Variants in U2AF2 observed in about 807,000 individuals in gnomAD.
U2AF2 encodes splicing factor U2AF 65 kDa subunit.
U2AF2 carries 6 observed loss-of-function variants against 52.6 expected under a neutral mutation model. The ratio of observed to expected loss-of-function variants is 0.11; its 90% CI spans 0.06 to 0.23. The LOEUF is 0.23. Ranked by LOEUF, U2AF2 falls within the 10% of genes least tolerant of loss-of-function variation. U2AF2 has a pLI of 1.00. For synonymous variants in U2AF2, 284 were observed against 258.2 expected (o/e 1.10, Z -0.96); for missense variants, 222 against 677.1 (o/e 0.33, Z 7.46).
rs1026378799 is a variant in U2AF2 at position 55,674,390 on chromosome 19, C to G, written c.*322C>G. ...GGACCCCAGCCCCTCCCAAAACAGCCTCTCCTTCTCCCATAGACCCCTTTC... is the reference window on the plus strand; with the variant it reads ...GGACCCCAGCCCCTCCCAAAACAGCGTCTCCTTCTCCCATAGACCCCTTTC... On this transcript the variant is annotated 3_prime_UTR_variant, in exon 12 of 12. Transcript: ENST00000308924. 1.6e-5 allele frequency: 5 copies of G among 305,042 alleles called. No individual in the cohort carries two copies. The highest frequency in any genetic ancestry group is 3.1e-5 in the Non-Finnish European group (5 of 160,356). The allele number at this position is 305,042 out of a possible 1,614,324, so 18.9% of individuals were successfully genotyped here.
intron 9 of U2AF2, 23 bp from the exon 10 acceptor site, chr19:55,669,060 G>T: frequency 1.8e-5 from 23 of 1,247,234 alleles, no homozygotes; most frequent in Non-Finnish European, 2.6e-5. Context: ...CGCACCCCCC[G>T]ACCCCTCATC....
intron 11 of U2AF2, chr19:55,670,534 C>CACCCTGCTGTCGG (rs143152939): frequency 2.2e-5 from 4 of 185,882 alleles, no homozygotes; most frequent in Non-Finnish European, 3.1e-5. Flanking sequence ...CCTGCTGTCC[C>CACCCTGCTGTCGG]TGCACCCTGC....
intron 10 of U2AF2, 110 bp from the exon 11 acceptor site, chr19:55,669,334 A>G: frequency 6.5e-7 from 1 of 1,543,324 alleles, no homozygotes; most frequent in South Asian, 1.2e-5. Flanking sequence ...AGGTGTTGGA[A>G]GTGGAGAGAT....
At chr19:55,672,382 T>C (rs1293277228) in intron 11 of U2AF2, among the ~76,000 whole-genome samples, 1 of 152,238 alleles carries the variant, frequency 6.6e-6, no homozygotes, top group East Asian at 1.9e-4. Flanking sequence ...ATCAGGTTTA[T>C]TTCACCTGAG....
Position 55,660,496 on chromosome 19 carries a change from T to TGCGCG in U2AF2, c.231-20_231-19insGCGCG. ...AGACTGAGGTTGCCCTGCCCCGCTC[T>TGCGCG]CCCCTCCCACCTCCCCCAGTCGTTC... On this transcript the variant is annotated intron_variant, in intron 3 of 11. Transcript: ENST00000308924. 1.1e-6 allele frequency: 1 copy of TGCGCG among 894,578 alleles called. No homozygotes were observed. The highest frequency in any genetic ancestry group is 1.8e-6 in the Non-Finnish European group (1 of 553,304). 55.4% of individuals were successfully genotyped at this position (894,578 alleles called of 1,614,324 possible). A position where few individuals can be genotyped will look rare whatever the true frequency, so the allele number is the denominator to read the frequency against.
At chr19:55,660,945 T>A in intron 4 of U2AF2, 93 bp from the exon 5 acceptor site, 1 of 1,486,712 alleles carries the variant, frequency 6.7e-7, no homozygotes, top group Non-Finnish European at 9.0e-7. Context: ...GTAGGAGCTT[T>A]CTGCTGAGGA....
chr19:55,670,085 C>T (rs1054469013), intron 11 of U2AF2, among the ~76,000 whole-genome samples: 2 of 152,114 alleles, frequency 1.3e-5, no homozygotes, highest in African/African-American at 4.8e-5. Flanking sequence ...GAGACACCTG[C>T]TGGTGTCTCC....
At chr19:55,670,373 A>G (rs1055983003) in intron 11 of U2AF2, among the ~76,000 whole-genome samples, 5 of 143,692 alleles carry the variant, frequency 3.5e-5, no homozygotes, top group African/African-American at 1.0e-4. Flanking sequence ...TGGAATTCCC[A>G]TCGTACCAGG....
At chr19:55,656,771 TG>T (rs1983822335) in intron 1 of U2AF2, among the ~76,000 whole-genome samples, 1 of 152,162 alleles carries the variant, frequency 6.6e-6, no homozygotes, top group Non-Finnish European at 1.5e-5. Flanking sequence ...TGAGATTAAA[TG>T]GGGTAACATG....
intron 6 of U2AF2, 50 bp from the exon 7 acceptor site, chr19:55,663,556 G>A (rs1187906886): frequency 1.2e-6 from 2 of 1,600,200 alleles, no homozygotes; most frequent in Non-Finnish European, 1.7e-6. Flanking sequence ...ACTAGGGGCT[G>A]TACTAGTCCC....
At position 55,669,751 on chromosome 19, in the gene U2AF2, C is replaced by T. The variant is rs571828212; in HGVS notation, c.1293+59C>T. 9 of 1,505,340 alleles carry T rather than the reference C, an allele frequency of 6.0e-6. No individual in the cohort carries two copies. The African/African-American group carries it at 9.7e-5, about 16-fold the overall frequency. The allele number at this position is 1,505,340 out of a possible 1,614,324, so 93.2% of individuals were successfully genotyped here. A position where few individuals can be genotyped will look rare whatever the true frequency, so the allele number is the denominator to read the frequency against. On this transcript the variant is annotated intron_variant, in intron 11 of 11. Coordinates refer to ENST00000308924, the MANE Select transcript of U2AF2 (RefSeq NM_007279.3). ...CTCTGCCCCTCCTCTTCTCCGCGCC[C>T]TCTTTCTTCCTCTCTTGCTCCCTCA...
In U2AF2 at chr19:55,668,526, C is replaced by T; in HGVS notation, c.762C>T (p.Val254=). The change falls in exon 8 of 12, where the codon GTC becomes GTT. Residue 254 remains valine, a synonymous_variant. Coordinates refer to ENST00000308924, the MANE Select transcript of U2AF2 (RefSeq NM_007279.3). The surrounding 1 kb of genome is among the most constrained non-coding windows in gnomAD (Gnocchi z 5.5). ...CCATAGGGGTTGTGTCCACTGTGGT[C>T]CCCGACTCTGCCCACAAGCTGTTCA... ...VYVPGVVSTV[V]PDSAHKLFIG... is the part of the protein sequence containing the mutation. 1 of 1,605,176 alleles carries T rather than the reference C, an allele frequency of 6.2e-7. No individual in the cohort carries two copies. Among genetic ancestry groups the T allele is most frequent in the Non-Finnish European group, 8.5e-7 (1 of 1,175,042 alleles).
chr19:55,662,997 A>G (rs1425807489), intron 6 of U2AF2, among the ~76,000 whole-genome samples: 1 of 151,912 alleles, frequency 6.6e-6, no homozygotes, highest in Admixed American at 6.6e-5. Flanking sequence ...CTGTTACCCC[A>G]GCTAACTGAT....
At chr19:55,667,585 C>T (rs541077103) in intron 7 of U2AF2, among the ~76,000 whole-genome samples, 24 of 152,244 alleles carry the variant, frequency 1.6e-4, no homozygotes, top group South Asian at 1.0e-3. Flanking sequence ...GTATGTCAGC[C>T]CTCGAAGACA....
At chr19:55,659,024 G>T in intron 1 of U2AF2, 186 bp from the exon 2 acceptor site, 1 of 918,706 alleles carries the variant, frequency 1.1e-6, no homozygotes, top group Non-Finnish European at 1.5e-6. Context: ...CGTCCCCCTG[G>T]TCCCCTCATG....
rs1157816683 is a variant in U2AF2 at position 55,668,897 on chromosome 19, A to G, written c.945+105A>G. 1.3e-6 allele frequency: 2 copies of G among 1,537,838 alleles called. No homozygotes were observed. Among genetic ancestry groups the G allele is most frequent in the Non-Finnish European group, 1.8e-6 (2 of 1,140,974 alleles). On this transcript the variant is annotated intron_variant, in intron 9 of 11. Transcript: ENST00000308924. This position sits in a 1 kb window ranked among gnomAD's most constrained non-coding sequence, Gnocchi z 5.5. ...CAGGGGACGGGGCGGGAGGCGGCCA[A>G]CCTGAGGCAGTGCCCTGTGTGTGGG...
chr19:55,658,477 C>T (rs1029079969), intron 1 of U2AF2, among the ~76,000 whole-genome samples: 1 of 152,146 alleles, frequency 6.6e-6, no homozygotes, highest in African/African-American at 2.4e-5. Flanking sequence ...AGATACCCGC[C>T]CCTACTCACG....
chr19:55,658,234 C>T (rs1356811001), intron 1 of U2AF2, among the ~76,000 whole-genome samples: 1 of 152,130 alleles, frequency 6.6e-6, no homozygotes, highest in African/African-American at 2.4e-5. Context: ...TGCTTCATGG[C>T]TAGCTGAGAA....
intron 4 of U2AF2, among the ~76,000 whole-genome samples, 176 bp downstream of exon 4, chr19:55,660,795 A>G (rs1030855400): frequency 6.6e-6 from 1 of 152,060 alleles, no homozygotes; most frequent in South Asian, 2.1e-4. Context: ...GGAAATGACC[A>G]GAGACACCCG....
Sources: gnomAD v4.1 joint callset for allele counts (sites outside exome capture counted in the v4.1 genomes callset) on GRCh38, gnomAD v4.1.1 for gene constraint, Gnocchi (gnomAD v3.1) non-coding constraint, MANE v1.5 for transcripts, NCBI Gene and HGNC (gene_info 2026-07-23, HGNC 2026-07-21) for gene names.